FAM20A: variants seen among roughly 807,000 people sequenced by gnomAD.
FAM20A encodes FAM20A golgi associated secretory pathway pseudokinase, also known as pseudokinase FAM20A.
Under a neutral mutation model 52.0 loss-of-function variants are expected in FAM20A, and 42 were observed. The observed-to-expected ratio is 0.81, with a 90% confidence interval of 0.63 to 1.04. FAM20A has a LOEUF of 1.04. Ranked by LOEUF, FAM20A falls within the 50% of genes least tolerant of loss-of-function variation. The pLI is 0.00. For synonymous variants in FAM20A, 304 were observed against 298.9 expected (o/e 1.02, Z -0.18); for missense variants, 742 against 712.7 (o/e 1.04, Z -0.47).
At chr17:68,588,137 AAG>A (rs1491048467) in intron 1 of FAM20A, among the ~76,000 whole-genome samples, 9 of 151,612 alleles carry the variant, frequency 5.9e-5, no homozygotes, top group Admixed American at 1.3e-4. Context: ...TAAAAAAAAA[AAG>A]GGGGCCCAGA....
Position 68,537,361 on chromosome 17 carries a change from C to T in FAM20A, c.*116G>A, listed in dbSNP as rs1461859804. ...GCTGTTTGAGAAAATGTCCTGCTTC[C>T]TTCCTAGCTGACTTGACTCCCAGCA... On this transcript the variant is annotated 3_prime_UTR_variant, in exon 11 of 11. Transcript: ENST00000592554. This position sits in a 1 kb window ranked among gnomAD's most constrained non-coding sequence, Gnocchi z 4.2. 1 of 1,344,018 alleles carries T rather than the reference C, an allele frequency of 7.4e-7. No homozygotes were observed. The highest frequency in any genetic ancestry group is 1.2e-5 in the South Asian group (1 of 83,142). 83.3% of individuals were successfully genotyped at this position (1,344,018 alleles called of 1,614,324 possible).
At chr17:68,572,006 ATATATATAT>A (rs1404679789) in intron 1 of FAM20A, among the ~76,000 whole-genome samples, 766 of 40,292 alleles carry the variant, frequency 0.019, 31 homozygotes, top group African/African-American at 0.065. Context: ...ATATATATAT[ATATATATAT>A]ATATATATAT....
At chr17:68,597,740 G>C (rs750600796) in intron 1 of FAM20A, among the ~76,000 whole-genome samples, 8 of 152,160 alleles carry the variant, frequency 5.3e-5, no homozygotes, top group Non-Finnish European at 1.0e-4. Context: ...CAAACAAGGA[G>C]AGCTTGTCTG....
chr17:68,551,361 T>C (rs998868432), intron 4 of FAM20A: 2 of 373,120 alleles, frequency 5.4e-6, no homozygotes, highest in African/African-American at 4.2e-5. Context: ...AGTTTTTCAG[T>C]TGAAACAAGT....
In FAM20A at chr17:68,600,621, C is replaced by CCAG. The variant is rs752919201; in HGVS notation, c.43_45dup (p.Leu15dup). 1.6e-4 allele frequency: 247 copies of CCAG among 1,562,490 alleles called. No individual in the cohort carries two copies. Among genetic ancestry groups the CCAG allele is most frequent in the Non-Finnish European group, 2.1e-4 (244 of 1,158,832 alleles). On this transcript the variant is annotated inframe_insertion, in exon 1 of 11. Transcript: ENST00000592554. The surrounding 1 kb of genome is among the most constrained non-coding windows in gnomAD (Gnocchi z 6.2). ...TAGAGGTCGGCGGAGAGCAGCGCGC[C>CCAG]CAGCAGCAGCAGAGTCAGTAGGCGG...
At chr17:68,539,527 C>T (rs2086197735) in intron 9 of FAM20A, 131 bp from the exon 10 acceptor site, 1 of 784,796 alleles carries the variant, frequency 1.3e-6, no homozygotes, top group South Asian at 1.4e-5. Flanking sequence ...GCAGCTGCCT[C>T]TCCAGCCCCT....
rs796800181 is a variant in FAM20A, at chr17:68,565,383, C to CTTTTTTTT, written c.405-9648_405-9641dup. Among the ~76,000 whole-genome samples the CTTTTTTTT allele has an allele frequency of 7.1e-4, 74 of 103,790 alleles. 7 individuals carry two copies. Among genetic ancestry groups the CTTTTTTTT allele is most frequent in the Middle Eastern group, 6.0e-3 (1 of 166 alleles). 68.1% of individuals were successfully genotyped at this position (103,790 alleles called of 152,430 possible). A position where few individuals can be genotyped will look rare whatever the true frequency, so the allele number is the denominator to read the frequency against. ...CCTGGAGTTTAACCTCCATTACCTC[C>CTTTTTTTT]TTTTTTTTTTTTTTTTTTTTTTTTT... On this transcript the variant is annotated intron_variant, in intron 1 of 10. Transcript: ENST00000592554.
chr17:68,543,034 G>A (rs547015643), intron 5 of FAM20A, among the ~76,000 whole-genome samples: 21 of 152,262 alleles, frequency 1.4e-4, no homozygotes, highest in South Asian at 1.2e-3. Context: ...TCCTTATTCC[G>A]TCAAGCCTCC....
chr17:68,558,621 C>T (rs756243209), intron 1 of FAM20A, among the ~76,000 whole-genome samples: 1 of 152,206 alleles, frequency 6.6e-6, no homozygotes, highest in Non-Finnish European at 1.5e-5. Context: ...TTCTGAGGCC[C>T]TCACCAGAAG....
At chr17:68,546,857 C>A (rs765145229) in intron 4 of FAM20A, among the ~76,000 whole-genome samples, 3 of 147,506 alleles carry the variant, frequency 2.0e-5, no homozygotes, top group Non-Finnish European at 4.5e-5. Context: ...AAAGGTAAGA[C>A]TTGAAAGTTA....
At chr17:68,556,437 A>C (rs2087050643) in intron 1 of FAM20A, among the ~76,000 whole-genome samples, 1 of 152,228 alleles carries the variant, frequency 6.6e-6, no homozygotes, top group African/African-American at 2.4e-5. Context: ...GCTGTTATAA[A>C]TCAACTGCTA....
At chr17:68,547,264 C>CATT (rs1032757555) in intron 4 of FAM20A, among the ~76,000 whole-genome samples, 10 of 152,060 alleles carry the variant, frequency 6.6e-5, no homozygotes, top group Non-Finnish European at 7.4e-5. Context: ...GAATCTTTAT[C>CATT]ATTATTATTA....
chr17:68,564,495 G>C (rs892201738), intron 1 of FAM20A, among the ~76,000 whole-genome samples: 2 of 152,186 alleles, frequency 1.3e-5, no homozygotes, highest in Non-Finnish European at 2.9e-5. Flanking sequence ...CCATAAGCAA[G>C]GGAATGGCAT....
chr17:68,554,155 G>A (rs1461420730), intron 3 of FAM20A, among the ~76,000 whole-genome samples: 1 of 151,272 alleles, frequency 6.6e-6, no homozygotes, highest in East Asian at 1.9e-4. Context: ...TTTTTAGCTG[G>A]AGTCTCACTG....
intron 1 of FAM20A, among the ~76,000 whole-genome samples, chr17:68,581,924 T>G (rs1284616659): frequency 6.6e-6 from 1 of 152,152 alleles, no homozygotes; most frequent in East Asian, 1.9e-4. Context: ...TTTCTTCATC[T>G]GAAAATGAGG....
intron 1 of FAM20A, among the ~76,000 whole-genome samples, chr17:68,593,546 G>T (rs1205446373): frequency 6.6e-6 from 1 of 152,174 alleles, no homozygotes; most frequent in Non-Finnish European, 1.5e-5. Flanking sequence ...GTCTCAGCAG[G>T]GTGGTTTTGC....
chr17:68,555,725 T>C lies in FAM20A; in HGVS notation c.423A>G (p.Arg141=), dbSNP rs1403893598. Residue 141 remains arginine, a synonymous_variant, in exon 2 of 11, where the codon AGA becomes AGG. Coordinates refer to ENST00000592554, the MANE Select transcript of FAM20A (RefSeq NM_017565.4). ...ARWNRRHKMY[R]EQMNLTSLDP... ...CCAGGGAGGTAAGGTTCATCTGCTC[T>C]CTGTACATCTTGTGTCGCCTGAAAG... is the stretch of plus-strand genomic sequence containing the variant. The C allele has an allele frequency of 6.2e-7, 1 of 1,613,930 alleles. No homozygotes were observed. Among genetic ancestry groups the C allele is most frequent in the African/African-American group, 1.3e-5 (1 of 74,910 alleles).
intron 1 of FAM20A, among the ~76,000 whole-genome samples, chr17:68,577,871 G>A (rs2087817887): frequency 6.6e-6 from 1 of 152,112 alleles, no homozygotes; most frequent in Admixed American, 6.5e-5. Flanking sequence ...AACCTAACAA[G>A]CATATTGATA....
intron 1 of FAM20A, among the ~76,000 whole-genome samples, chr17:68,595,886 A>G (rs1243535454): frequency 2.6e-5 from 4 of 152,046 alleles, no homozygotes; most frequent in Non-Finnish European, 4.4e-5. Context: ...GCCATGGGGG[A>G]GCTGGGGCAG....
Sources: gnomAD v4.1 joint callset for allele counts (sites outside exome capture counted in the v4.1 genomes callset) on GRCh38, gnomAD v4.1.1 for gene constraint, Gnocchi (gnomAD v3.1) non-coding constraint, MANE v1.5 for transcripts, NCBI Gene and HGNC (gene_info 2026-07-23, HGNC 2026-07-21) for gene names.